Variants in HTR1F observed in about 807,000 individuals in gnomAD.
HTR1F encodes the protein 5-hydroxytryptamine receptor 1F.
A neutral mutation model predicts 24.0 loss-of-function variants in HTR1F; 17 were observed. That is an observed-to-expected ratio of 0.71 (90% CI 0.48 to 1.06). The LOEUF is 1.06. Ranked by LOEUF, HTR1F falls within the 50% of genes least tolerant of loss-of-function variation. The pLI, the probability that HTR1F is intolerant of heterozygous loss-of-function variation, is 0.00. For missense variants in HTR1F, 391 were observed against 427.8 expected, an observed-to-expected ratio of 0.91 and a Z score of 0.76; for synonymous variants, 186 against 156.8, an observed-to-expected ratio of 1.19 and a Z score of -1.39.
chr3:87,848,843 A>C (rs1478155302), intron 2 of HTR1F, among the ~76,000 whole-genome samples: 1 of 151,634 alleles, frequency 6.6e-6, no homozygotes, highest in Non-Finnish European at 1.5e-5. Flanking sequence ...ATCATGAGTG[A>C]ACTCCCATTC....
At chr3:87,828,536 T>C (rs1286008657) in intron 2 of HTR1F, among the ~76,000 whole-genome samples, 1 of 152,210 alleles carries the variant, frequency 6.6e-6, no homozygotes, top group Non-Finnish European at 1.5e-5. Flanking sequence ...TTAATTTGTG[T>C]GGATTTTATC....
intron 2 of HTR1F, among the ~76,000 whole-genome samples, chr3:87,941,772 C>T (rs1357287362): frequency 2.0e-5 from 3 of 152,132 alleles, no homozygotes; most frequent in Admixed American, 1.3e-4. Context: ...GCTTCCTCTG[C>T]TATTTGGGAA....
chr3:87,985,292 C>T lies in HTR1F; in HGVS notation c.-42-5416C>T, dbSNP rs558504892. On this transcript the variant is annotated intron_variant, in intron 2 of 2. Transcript: ENST00000319595. ...AGAGGTTGCGGTGAGCCAGAGATCACGCCATTGTATTCCAGCCTGGGCAAC... is the reference window on the plus strand; with the variant it reads ...AGAGGTTGCGGTGAGCCAGAGATCATGCCATTGTATTCCAGCCTGGGCAAC... Among the ~76,000 whole-genome samples, 288 of 151,602 alleles carry T rather than the reference C, an allele frequency of 1.9e-3. 2 individuals carry two copies. Among genetic ancestry groups the T allele is most frequent in the African/African-American group, 5.7e-3 (236 of 41,318 alleles).
chr3:87,800,358 T>A (rs1252859678), intron 1 of HTR1F, among the ~76,000 whole-genome samples: 4 of 152,084 alleles, frequency 2.6e-5, no homozygotes, highest in African/African-American at 9.7e-5. Context: ...CTGACATAGG[T>A]TTTCCTTTCT....
At chr3:87,926,291 A>G (rs1279760763) in intron 2 of HTR1F, among the ~76,000 whole-genome samples, 1 of 152,204 alleles carries the variant, frequency 6.6e-6, no homozygotes, top group Non-Finnish European at 1.5e-5. Context: ...TAGATTAACT[A>G]AATATTTTAG....
At chr3:87,881,491 T>A (rs1705798506) in intron 2 of HTR1F, among the ~76,000 whole-genome samples, 1 of 152,232 alleles carries the variant, frequency 6.6e-6, no homozygotes, top group South Asian at 2.1e-4. Flanking sequence ...TGACTCCACC[T>A]CTGGGGGCAG....
At chr3:87,850,675 A>G (rs889600973) in intron 2 of HTR1F, among the ~76,000 whole-genome samples, 1 of 151,846 alleles carries the variant, frequency 6.6e-6, no homozygotes, top group Non-Finnish European at 1.5e-5. Context: ...AAGTATGTCA[A>G]TAGAAATATT....
chr3:87,915,122 G>T (rs1250430038), intron 2 of HTR1F, among the ~76,000 whole-genome samples: 1 of 152,144 alleles, frequency 6.6e-6, no homozygotes, highest in Non-Finnish European at 1.5e-5. Context: ...CAGCTCGTCT[G>T]TCAGGAAGCC....
chr3:87,824,838 A>G (rs1704431024), intron 2 of HTR1F, among the ~76,000 whole-genome samples: 1 of 152,234 alleles, frequency 6.6e-6, no homozygotes. Flanking sequence ...TTTCAACTCA[A>G]GATAATTCTA....
intron 1 of HTR1F, among the ~76,000 whole-genome samples, chr3:87,816,793 A>G (rs1409167462): frequency 6.6e-6 from 1 of 152,128 alleles, no homozygotes; most frequent in African/African-American, 2.4e-5. Flanking sequence ...GAATCAGTAA[A>G]TGCATGTTTA....
chr3:87,808,383 G>T (rs894099855), intron 1 of HTR1F, among the ~76,000 whole-genome samples: 1 of 151,644 alleles, frequency 6.6e-6, no homozygotes, highest in Non-Finnish European at 1.5e-5. Context: ...GTTTCCTCTA[G>T]GTTTTCTAAT....
intron 2 of HTR1F, among the ~76,000 whole-genome samples, chr3:87,903,880 G>T (rs1559625241): frequency 6.6e-6 from 1 of 152,152 alleles, no homozygotes; most frequent in Non-Finnish European, 1.5e-5. Context: ...CAACCCAAAT[G>T]TCCAGCAATG....
At chr3:87,874,236 C>CCA (rs71131526) in intron 2 of HTR1F, among the ~76,000 whole-genome samples, 43 of 151,828 alleles carry the variant, frequency 2.8e-4, no homozygotes, top group Admixed American at 7.2e-4. Flanking sequence ...CCTAAAGATT[C>CCA]CACACACACA....
chr3:87,798,406 C>A (rs568466435), intron 1 of HTR1F, among the ~76,000 whole-genome samples: 2 of 152,214 alleles, frequency 1.3e-5, no homozygotes, highest in African/African-American at 4.8e-5. Context: ...ATAAACAATT[C>A]TTTTAACCAC....
intron 2 of HTR1F, among the ~76,000 whole-genome samples, chr3:87,975,261 C>T (rs1405457780): frequency 1.3e-5 from 2 of 151,532 alleles, no homozygotes; most frequent in African/African-American, 4.8e-5. Context: ...TCAAAAATCT[C>T]CAAAAAGGAG....
At chr3:87,916,404 G>A (rs537206736) in intron 2 of HTR1F, among the ~76,000 whole-genome samples, 2 of 151,000 alleles carry the variant, frequency 1.3e-5, no homozygotes, top group South Asian at 4.2e-4. Context: ...AATGTAAATG[G>A]CCTAAAGACT....
intron 1 of HTR1F, among the ~76,000 whole-genome samples, chr3:87,810,818 G>C (rs1365203830): frequency 2.0e-5 from 3 of 152,090 alleles, no homozygotes; most frequent in Non-Finnish European, 4.4e-5. Context: ...TTGTGGCTTT[G>C]ACACAGTTTA....
At chr3:87,798,119 T>A (rs1703934756) in intron 1 of HTR1F, among the ~76,000 whole-genome samples, 1 of 152,118 alleles carries the variant, frequency 6.6e-6, no homozygotes, top group South Asian at 2.1e-4. Context: ...ATTCGGATCA[T>A]CACTCTCATC....
chr3:87,901,002 A>G (rs1021565301), intron 2 of HTR1F, among the ~76,000 whole-genome samples: 6 of 152,180 alleles, frequency 3.9e-5, no homozygotes, highest in Non-Finnish European at 7.3e-5. Context: ...ATAGAGGAGA[A>G]CGACATCCAA....
Sources: allele counts gnomAD v4.1 joint callset (sites outside exome capture counted in the v4.1 genomes callset), GRCh38; gene constraint gnomAD v4.1.1; transcripts MANE v1.5; gene names NCBI Gene and HGNC (gene_info 2026-07-23, HGNC 2026-07-21).